Variants in ASIC2 observed in about 807,000 individuals in gnomAD.
The protein encoded by ASIC2 is acid-sensing ion channel 2.
Under a neutral mutation model 57.3 loss-of-function variants are expected in ASIC2, and 25 were observed. The observed-to-expected ratio is 0.44, with a 90% confidence interval of 0.32 to 0.61. The LOEUF (loss-of-function observed/expected upper bound fraction) is 0.61, where lower values mean the gene tolerates loss of function less well. Among genes scored for constraint, ASIC2 ranks in the 20% least tolerant of loss-of-function variants. The pLI, the probability that ASIC2 is intolerant of heterozygous loss-of-function variation, is 0.06. For missense variants in ASIC2, 641 were observed against 738.1 expected (o/e 0.87, Z 1.52); for synonymous variants, 319 against 307.5 (o/e 1.04, Z -0.39).
At chr17:34,060,094 C>T (rs544417887) in intron 1 of ASIC2, among the ~76,000 whole-genome samples, 33 of 152,302 alleles carry the variant, frequency 2.2e-4, no homozygotes, top group South Asian at 6.2e-4. Flanking sequence ...GAGTCCATTG[C>T]ACCATCTGCC....
At chr17:33,708,283 G>A (rs1308012271) in intron 1 of ASIC2, among the ~76,000 whole-genome samples, 1 of 152,192 alleles carries the variant, frequency 6.6e-6, no homozygotes, top group African/African-American at 2.4e-5. Context: ...TACCCACCCA[G>A]CAACCTTATG....
At chr17:33,643,003 C>T (rs72811177) in intron 1 of ASIC2, among the ~76,000 whole-genome samples, 7,078 of 152,260 alleles carry the variant, frequency 0.046, 196 homozygotes, top group South Asian at 0.12. Context: ...CCAACCACCA[C>T]GTAGATACTC....
At chr17:33,228,543 C>T (rs1292799447) in intron 1 of ASIC2, among the ~76,000 whole-genome samples, 1 of 152,224 alleles carries the variant, frequency 6.6e-6, no homozygotes, top group African/African-American at 2.4e-5. Flanking sequence ...ATGATAGCCA[C>T]ACAATATGTC....
Position 33,487,102 on chromosome 17 carries a change from T to C in ASIC2, c.556-375035A>G, listed in dbSNP as rs142857203. Among the ~76,000 whole-genome samples the C allele has an allele frequency of 2.5e-3, 384 of 152,352 alleles. 3 individuals are homozygous for C. Among genetic ancestry groups the C allele is most frequent in the African/African-American group, 8.5e-3 (354 of 41,586 alleles). ...TCTGATATGATTTTGTGAGGCTTTCTTTGAAAGCCACTTCCAGACAAGCAT... is the reference window on the plus strand; with the variant it reads ...TCTGATATGATTTTGTGAGGCTTTCCTTGAAAGCCACTTCCAGACAAGCAT... On this transcript the variant is annotated intron_variant, in intron 1 of 9. Transcript: ENST00000359872.
intron 1 of ASIC2, among the ~76,000 whole-genome samples, chr17:33,516,681 C>T (rs79307741): frequency 4.9e-4 from 75 of 152,234 alleles, no homozygotes; most frequent in Non-Finnish European, 8.2e-4. Context: ...GATGTGAGCT[C>T]GCTGACATCA....
intron 1 of ASIC2, among the ~76,000 whole-genome samples, chr17:33,716,139 A>C (rs553240824): frequency 6.6e-6 from 1 of 152,314 alleles, no homozygotes; most frequent in East Asian, 1.9e-4. Context: ...AGCCTAGACA[A>C]CTTATTTAGC....
intron 1 of ASIC2, among the ~76,000 whole-genome samples, chr17:33,865,947 T>G (rs1914227922): frequency 6.6e-6 from 1 of 152,120 alleles, no homozygotes; most frequent in Non-Finnish European, 1.5e-5. Flanking sequence ...AGGTAACTAT[T>G]CTCTTGATGT....
chr17:33,673,897 CTTTTT>C (rs574986885), intron 1 of ASIC2, among the ~76,000 whole-genome samples: 1 of 141,134 alleles, frequency 7.1e-6, no homozygotes. Flanking sequence ...GCATCCGTGT[CTTTTT>C]TTTTTTTTTG....
At chr17:33,795,594 C>T (rs1380172534) in intron 1 of ASIC2, among the ~76,000 whole-genome samples, 1 of 152,194 alleles carries the variant, frequency 6.6e-6, no homozygotes, top group African/African-American at 2.4e-5. Flanking sequence ...CCACTGAGCC[C>T]ATATCCACTC....
At chr17:33,323,376 G>A (rs1445302115) in intron 1 of ASIC2, among the ~76,000 whole-genome samples, 3 of 152,162 alleles carry the variant, frequency 2.0e-5, no homozygotes, top group Non-Finnish European at 2.9e-5. Context: ...ATGACTACAG[G>A]CAACAATATG....
At chr17:33,950,690 C>T (rs1904531114) in intron 1 of ASIC2, among the ~76,000 whole-genome samples, 1 of 152,182 alleles carries the variant, frequency 6.6e-6, no homozygotes, top group South Asian at 2.1e-4. Context: ...CAATGACAGC[C>T]ACCTGAAAGG....
chr17:33,761,800 T>A (rs1006699681), intron 1 of ASIC2, among the ~76,000 whole-genome samples: 1 of 151,778 alleles, frequency 6.6e-6, no homozygotes, highest in African/African-American at 2.4e-5. Context: ...TACAAACCTG[T>A]TTCAAAACCC....
intron 1 of ASIC2, among the ~76,000 whole-genome samples, chr17:33,121,895 T>C (rs144502004): frequency 1.9e-4 from 29 of 152,206 alleles, no homozygotes; most frequent in African/African-American, 6.5e-4. Context: ...GCCTCAGAGA[T>C]CTCCCCAAGG....
chr17:33,788,384 A>G (rs879245452), intron 1 of ASIC2, among the ~76,000 whole-genome samples: 3 of 152,176 alleles, frequency 2.0e-5, no homozygotes, highest in Admixed American at 2.0e-4. Flanking sequence ...AATGGTGATT[A>G]TTAAAAAGTC....
intron 1 of ASIC2, among the ~76,000 whole-genome samples, chr17:33,770,850 T>G (rs1911081205): frequency 6.6e-6 from 1 of 152,174 alleles, no homozygotes; most frequent in Non-Finnish European, 1.5e-5. Flanking sequence ...ACAGACTCAT[T>G]GTGAGGTCTC....
At chr17:33,310,560 C>T (rs1177415768) in intron 1 of ASIC2, among the ~76,000 whole-genome samples, 1 of 152,168 alleles carries the variant, frequency 6.6e-6, no homozygotes, top group African/African-American at 2.4e-5. Context: ...ATAGCCTGGA[C>T]TTTGATCCTT....
At chr17:33,870,806 G>A (rs1042140910) in intron 1 of ASIC2, among the ~76,000 whole-genome samples, 1 of 152,024 alleles carries the variant, frequency 6.6e-6, no homozygotes, top group Non-Finnish European at 1.5e-5. Context: ...TGATTACAAG[G>A]GTTAAATTAA....
chr17:33,748,378 G>C (rs1478114036), intron 1 of ASIC2, among the ~76,000 whole-genome samples: 1 of 152,212 alleles, frequency 6.6e-6, no homozygotes, highest in African/African-American at 2.4e-5. Context: ...CCTGCATCCA[G>C]AGCAGTTTAT....
At chr17:33,592,154 C>G (rs8081268) in intron 1 of ASIC2, among the ~76,000 whole-genome samples, 92,767 of 152,136 alleles carry the variant, frequency 0.61, 29,908 homozygotes, top group African/African-American at 0.83. Context: ...AGGAGGGCCC[C>G]TCCTCATGGA....
Sources: allele counts gnomAD v4.1 joint callset (sites outside exome capture counted in the v4.1 genomes callset), GRCh38; gene constraint gnomAD v4.1.1; transcripts MANE v1.5; gene names NCBI Gene and HGNC (gene_info 2026-07-23, HGNC 2026-07-21).